The following PXDNL variants were observed in gnomAD, a reference collection of about 807,000 sequenced individuals.
The protein encoded by PXDNL is probable oxidoreductase PXDNL.
Under a neutral mutation model 150.8 loss-of-function variants are expected in PXDNL, and 145 were observed. The observed-to-expected ratio is 0.96, with a 90% CI of 0.84 to 1.10. The LOEUF (loss-of-function observed/expected upper bound fraction) is 1.10. PXDNL is among the 50% of genes least tolerant of loss of function. The pLI, the probability that PXDNL is intolerant of heterozygous loss-of-function variation, is 0.00. For missense variants in PXDNL, 2,087 were observed against 1,873.9 expected, an observed-to-expected ratio of 1.11 and a Z score of -2.10; for synonymous variants, 757 against 725.7, an observed-to-expected ratio of 1.04 and a Z score of -0.69.
intron 2 of PXDNL, among the ~76,000 whole-genome samples, chr8:51,637,242 G>T (rs1290992629): frequency 6.6e-6 from 1 of 152,040 alleles, no homozygotes; most frequent in Non-Finnish European, 1.5e-5. Context: ...AAACCACAAA[G>T]ATGGGGAAAA....
chr8:51,636,483 A>G (rs1190711663), intron 2 of PXDNL, among the ~76,000 whole-genome samples: 2 of 152,176 alleles, frequency 1.3e-5, no homozygotes, highest in Non-Finnish European at 2.9e-5. Context: ...TAGATAATAA[A>G]TCAATTTATC....
At chr8:51,700,145 C>A (rs1452897173) in intron 1 of PXDNL, among the ~76,000 whole-genome samples, 2 of 142,572 alleles carry the variant, frequency 1.4e-5, no homozygotes, top group Non-Finnish European at 3.0e-5. Context: ...AAGTGAAGTG[C>A]AATAAAACAA....
intron 2 of PXDNL, among the ~76,000 whole-genome samples, chr8:51,646,041 A>G (rs932505068): frequency 2.7e-5 from 4 of 148,908 alleles, no homozygotes; most frequent in Non-Finnish European, 5.9e-5. Context: ...CAAGGAAAGG[A>G]CTGTGTTATG....
chr8:51,608,786 G>A lies in PXDNL; in HGVS notation c.237-16088C>T, dbSNP rs922433506. ...CGGGAGGCGGAGCTTGCAGTGAGCC[G>A]AGATTGCGCCACTGCACTCCAGCCT... On this transcript the variant is annotated intron_variant, in intron 2 of 22. Coordinates refer to ENST00000356297, the MANE Select transcript of PXDNL (RefSeq NM_144651.5). Among the ~76,000 whole-genome samples, 36 of 134,728 alleles carry A rather than the reference G, an allele frequency of 2.7e-4. No individual in the cohort carries two copies. The East Asian group carries it at 2.8e-3, about 10-fold the overall frequency. 88.4% of individuals were successfully genotyped at this position (134,728 alleles called of 152,430 possible).
At chr8:51,359,154 T>C (rs1586031857) in intron 19 of PXDNL, among the ~76,000 whole-genome samples, 1 of 151,828 alleles carries the variant, frequency 6.6e-6, no homozygotes, top group Non-Finnish European at 1.5e-5. Flanking sequence ...TGAGCCAAGA[T>C]AAAAAAAGTC....
intron 17 of PXDNL, among the ~76,000 whole-genome samples, chr8:51,381,622 CT>C (rs1293669492): frequency 7.1e-6 from 1 of 141,842 alleles, no homozygotes; most frequent in Non-Finnish European, 1.5e-5. Flanking sequence ...TGACTGGTGT[CT>C]TTATTTATTT....
At chr8:51,781,363 G>T (rs541327603) in intron 1 of PXDNL, among the ~76,000 whole-genome samples, 5 of 152,202 alleles carry the variant, frequency 3.3e-5, no homozygotes, top group Non-Finnish European at 7.4e-5. Context: ...TTGTTTGCAA[G>T]TGTTAAAGAA....
intron 1 of PXDNL, among the ~76,000 whole-genome samples, chr8:51,690,319 C>T (rs922282170): frequency 2.6e-5 from 4 of 152,142 alleles, no homozygotes; most frequent in African/African-American, 9.7e-5. Context: ...ATCCCTCCCC[C>T]TTCCCCACAC....
chr8:51,372,771 C>T (rs938656587), intron 18 of PXDNL, among the ~76,000 whole-genome samples: 1 of 152,178 alleles, frequency 6.6e-6, no homozygotes, highest in African/African-American at 2.4e-5. Flanking sequence ...AAGAAAATAG[C>T]ACTTTTGATA....
intron 5 of PXDNL, among the ~76,000 whole-genome samples, chr8:51,496,988 G>A (rs1390797236): frequency 1.3e-5 from 2 of 152,084 alleles, no homozygotes; most frequent in East Asian, 3.9e-4. Flanking sequence ...TCAATCCTAA[G>A]CCAAAAGAAC....
chr8:51,430,387 A>C (rs531174674), intron 12 of PXDNL, among the ~76,000 whole-genome samples: 1 of 152,312 alleles, frequency 6.6e-6, no homozygotes, highest in East Asian at 1.9e-4. Flanking sequence ...CTGGGCTTAA[A>C]TTTAAAATAG....
intron 1 of PXDNL, among the ~76,000 whole-genome samples, chr8:51,676,984 G>C (rs1397207315): frequency 6.6e-6 from 1 of 152,180 alleles, no homozygotes; most frequent in Non-Finnish European, 1.5e-5. Flanking sequence ...ACGAACCAGA[G>C]AGCACAGAGG....
At chr8:51,501,612 ACT>A (rs1301956404) in intron 4 of PXDNL, among the ~76,000 whole-genome samples, 1 of 151,730 alleles carries the variant, frequency 6.6e-6, no homozygotes, top group South Asian at 2.1e-4. Flanking sequence ...ACACACTCAC[ACT>A]GTCATGCTCA....
chr8:51,800,898 G>T (rs1428800512), intron 1 of PXDNL, among the ~76,000 whole-genome samples: 1 of 152,132 alleles, frequency 6.6e-6, no homozygotes, highest in Non-Finnish European at 1.5e-5. Context: ...TATGAAATCT[G>T]ATTGTAAAAC....
chr8:51,740,744 A>C (rs999428961), intron 1 of PXDNL, among the ~76,000 whole-genome samples: 5 of 151,868 alleles, frequency 3.3e-5, no homozygotes, highest in Non-Finnish European at 7.4e-5. Context: ...TGTCAGATGG[A>C]TATGTGATGA....
At chr8:51,364,810 C>A (rs1383993134) in intron 19 of PXDNL, among the ~76,000 whole-genome samples, 1 of 152,142 alleles carries the variant, frequency 6.6e-6, no homozygotes, top group East Asian at 1.9e-4. Context: ...TCCAAATGGG[C>A]ATCTTTTGTT....
At position 51,498,223 on chromosome 8, in the gene PXDNL, T is replaced by C. The variant is rs1435666499; in HGVS notation, c.452+1476A>G. The stretch of plus-strand genomic sequence containing the variant: ...GCATGTTGTCACTCATAGGTGGGAA[T>C]TGAACAATGAGAACACATGGACACA... On this transcript the variant is annotated intron_variant, in intron 5 of 22. Transcript: ENST00000356297. 6.2e-5 allele frequency among the ~76,000 whole-genome samples: 9 copies of C among 145,836 alleles called. No individual in the cohort carries two copies. The East Asian group carries it at 1.7e-3, about 27-fold the overall frequency.
chr8:51,343,932 A>G (rs1806067693), intron 20 of PXDNL, among the ~76,000 whole-genome samples: 1 of 152,170 alleles, frequency 6.6e-6, no homozygotes, highest in Admixed American at 6.5e-5. Context: ...AGTTCCAATT[A>G]CCTTGCCTGG....
At position 51,453,800 on chromosome 8, in the gene PXDNL, G is replaced by C; in HGVS notation, c.983-15C>G. 1 of 1,609,194 alleles carries C rather than the reference G, an allele frequency of 6.2e-7. No individual in the cohort carries two copies. The highest frequency in any genetic ancestry group is 1.3e-5 in the African/African-American group (1 of 74,868). ...GCTTGGTTTGGCTGATGGTAAAGGGGGAACAAAACGAAATCCAGCAAGTAG... is the reference window on the plus strand; with the variant it reads ...GCTTGGTTTGGCTGATGGTAAAGGGCGAACAAAACGAAATCCAGCAAGTAG... On this transcript the variant is annotated splice_polypyrimidine_tract_variant and intron_variant, in intron 9 of 22. Transcript: ENST00000356297.
Sources: gnomAD v4.1 joint callset for allele counts (sites outside exome capture counted in the v4.1 genomes callset) on GRCh38, gnomAD v4.1.1 for gene constraint, MANE v1.5 for transcripts, NCBI Gene and HGNC (gene_info 2026-07-23, HGNC 2026-07-21) for gene names.